EMG1: variants seen among roughly 807,000 people sequenced by gnomAD.
EMG1 encodes EMG1 N1-specific pseudouridine methyltransferase, also known as ribosomal RNA small subunit methyltransferase NEP1.
EMG1 carries 24 observed loss-of-function variants against 26.9 expected under a neutral mutation model. That is an observed-to-expected ratio of 0.89 (90% CI 0.65 to 1.26). EMG1 has a LOEUF of 1.26. Ranked by LOEUF, EMG1 falls within the 50% of genes most tolerant of loss-of-function variation. EMG1 has a pLI of 0.00. For synonymous variants in EMG1, 140 were observed against 112.6 expected, an observed-to-expected ratio of 1.24 and a Z score of -1.54; for missense variants, 299 against 307.6, an observed-to-expected ratio of 0.97 and a Z score of 0.21.
chr12:6,975,463 T>C (rs1946383435), intron 5 of EMG1, 85 bp downstream of exon 5: 4 of 1,373,104 alleles, frequency 2.9e-6, no homozygotes, highest in Non-Finnish European at 4.0e-6. Flanking sequence ...TTAACAATGC[T>C]TACAATGAGC....
chr12:6,974,592 G>T lies in EMG1; in HGVS notation c.311G>T (p.Gly104Val), dbSNP rs1256862599. 1 of 1,613,856 alleles carries T rather than the reference G, an allele frequency of 6.2e-7. No individual in the cohort carries two copies. Among genetic ancestry groups the T allele is most frequent in the Non-Finnish European group, 8.5e-7 (1 of 1,179,900 alleles). ...ATGGATAGTCCCCTGAACCGAGCTGGCTTGCTACAGGTTTATATCCATACA... is the reference window on the plus strand; with the variant it reads ...ATGGATAGTCCCCTGAACCGAGCTGTCTTGCTACAGGTTTATATCCATACA... ...MLMDSPLNRA[G>V]LLQVYIHTQK... The change falls in exon 3 of 6, where the codon GGC (glycine) becomes GTC (valine). Residue 104 changes from glycine to valine, a missense_variant. Gly to Val is a moderately radical substitution (Grantham distance 109, BLOSUM62 -3). Transcript: ENST00000599672.
At chr12:6,986,685 A>T (rs1946529125) in intron 6 of EMG1, among the ~76,000 whole-genome samples, 1 of 148,096 alleles carries the variant, frequency 6.8e-6, no homozygotes, top group Admixed American at 6.8e-5. Context: ...CAGGAGGCTG[A>T]GGCAGGGGAA....
In EMG1 at chr12:6,978,063, G is replaced by C. The variant is rs1322719482; in HGVS notation, c.*2254G>C. 8.9e-6 allele frequency: 5 copies of C among 559,084 alleles called. No individual in the cohort carries two copies. Among genetic ancestry groups the C allele is most frequent in the South Asian group, 8.9e-5 (4 of 45,000 alleles). The allele number at this position is 559,084 out of a possible 1,614,324, so 34.6% of individuals were successfully genotyped here. Reference sequence around the variant, plus strand: ...GTGGTGGGGACAAACAAGTAAAGCTGTTGATAAACAGGGCAGTGGAGGACA... The same window carrying C: ...GTGGTGGGGACAAACAAGTAAAGCTCTTGATAAACAGGGCAGTGGAGGACA... On this transcript the variant is annotated 3_prime_UTR_variant, in exon 6 of 6. Transcript: ENST00000599672.
Position 6,978,584 on chromosome 12 carries a change from T to C in EMG1, c.*2775T>C. On this transcript the variant is annotated 3_prime_UTR_variant, in exon 6 of 6. Coordinates refer to ENST00000599672, the MANE Select transcript of EMG1 (RefSeq NM_006331.8). ...CATGGCTTGTCTAAATAGGACCTTG[T>C]TTCAACTTTTCTACTTACTGTGACC... The C allele has an allele frequency of 6.2e-7, 1 of 1,614,002 alleles. No individual in the cohort carries two copies. Among genetic ancestry groups the C allele is most frequent in the Admixed American group, 1.7e-5 (1 of 60,002 alleles).
intron 2 of EMG1, 51 bp downstream of exon 2, chr12:6,974,491 T>G: frequency 6.2e-7 from 1 of 1,607,412 alleles, no homozygotes; most frequent in Non-Finnish European, 8.5e-7. Context: ...TATGGAAGGG[T>G]TGGCAGCTGA....
At position 6,975,153 on chromosome 12, in the gene EMG1, G is replaced by C. The variant is rs782080669; in HGVS notation, c.471+5G>C. On this transcript the variant is annotated splice_donor_5th_base_variant and intron_variant, in intron 4 of 5. Transcript: ENST00000599672. Reference sequence around the variant, plus strand: ...GGCCCCCAGAAGCTTTTGAAGGTGAGGTATTGAAACCTGTTAGTTGAAGGC... The same window carrying C: ...GGCCCCCAGAAGCTTTTGAAGGTGACGTATTGAAACCTGTTAGTTGAAGGC... 3.7e-6 allele frequency: 6 copies of C among 1,613,908 alleles called. No individual in the cohort carries two copies. The highest frequency in any genetic ancestry group is 4.2e-6 in the Non-Finnish European group (5 of 1,179,902).
downstream of EMG1, among the ~76,000 whole-genome samples, chr12:6,983,883 G>C (rs1324451286): frequency 6.6e-6 from 1 of 152,168 alleles, no homozygotes; most frequent in African/African-American, 2.4e-5. Context: ...TGGCTCCCAT[G>C]TATAATCCCA....
At chr12:6,988,227 C>G (rs1946547641) in exon 8 of EMG1, 1 of 160,808 alleles carries the variant, frequency 6.2e-6, no homozygotes, top group Admixed American at 6.4e-5. Context: ...TGCACACTAG[C>G]AAACACATGA....
At chr12:6,989,953 A>G (rs1946571902), downstream of EMG1, among the ~76,000 whole-genome samples, 1 of 151,844 alleles carries the variant, frequency 6.6e-6, no homozygotes, top group Non-Finnish European at 1.5e-5. Flanking sequence ...CGGGAGAATC[A>G]CTGGAACCCA....
Position 6,978,678 on chromosome 12 carries a change from G to C in EMG1, c.*2869G>C. The C allele has an allele frequency of 6.2e-7, 1 of 1,614,196 alleles. No individual in the cohort carries two copies. Among genetic ancestry groups the C allele is most frequent in the East Asian group, 2.2e-5 (1 of 44,884 alleles). Reference sequence around the variant, plus strand: ...TCAGCATGTACATGCAGCGGAACCAGAAGGGGTGGTTCTTGAGGGAAGAAA... The same window carrying C: ...TCAGCATGTACATGCAGCGGAACCACAAGGGGTGGTTCTTGAGGGAAGAAA... On this transcript the variant is annotated 3_prime_UTR_variant, in exon 6 of 6. Transcript: ENST00000599672.
At chr12:6,981,869 G>C (rs782036822), downstream of EMG1, 1 of 1,613,460 alleles carries the variant, frequency 6.2e-7, no homozygotes, top group East Asian at 2.2e-5. Context: ...CGTAGTTGCC[G>C]GTGGCAGTGT....
chr12:6,981,068 T>C (rs1555153996), downstream of EMG1: 3 of 1,613,220 alleles, frequency 1.9e-6, no homozygotes, highest in African/African-American at 2.7e-5. Flanking sequence ...TAGTGATTCA[T>C]TGAGAACTGG....
downstream of EMG1, chr12:6,980,777 C>T (rs1946462489): frequency 2.7e-6 from 1 of 374,856 alleles, no homozygotes; most frequent in Non-Finnish European, 4.7e-6. Flanking sequence ...AATCCTGTGG[C>T]ATAAATGTGG....
intron 1 of EMG1, among the ~76,000 whole-genome samples, chr12:6,971,434 C>T (rs1027747509): frequency 4.0e-5 from 6 of 151,832 alleles, no homozygotes; most frequent in East Asian, 1.9e-4. Flanking sequence ...CCACCACGCC[C>T]GGCTAATTTT....
chr12:6,992,385 T>C (rs187017601), downstream of EMG1, among the ~76,000 whole-genome samples: 167 of 152,156 alleles, frequency 1.1e-3, no homozygotes, highest in Middle Eastern at 3.4e-3. Context: ...AAACTGGCTC[T>C]GTTTTGATTG....
At chr12:6,983,437 TTAAAA>T, downstream of EMG1, 1 of 1,598,294 alleles carries the variant, frequency 6.3e-7, no homozygotes. Flanking sequence ...CTCACCAAAG[TTAAAA>T]TAAGCAATTG....
chr12:6,981,729 G>A (rs1408102757), downstream of EMG1: 77 of 1,365,862 alleles, frequency 5.6e-5, no homozygotes, highest in African/African-American at 7.3e-4. Flanking sequence ...GGCGGGGGGC[G>A]GAGGGGGGGT....
At chr12:6,980,817 GA>G (rs1482446983), downstream of EMG1, 2 of 466,216 alleles carry the variant, frequency 4.3e-6, no homozygotes, top group Non-Finnish European at 7.5e-6. Context: ...TGTTAGAATG[GA>G]TAACTGGAAG....
Position 6,978,590 on chromosome 12 carries a change from C to G in EMG1, c.*2781C>G, listed in dbSNP as rs782205863. The G allele has an allele frequency of 1.2e-6, 2 of 1,614,032 alleles. No individual in the cohort carries two copies. Among genetic ancestry groups the G allele is most frequent in the Admixed American group, 1.7e-5 (1 of 59,994 alleles). ...TTGTCTAAATAGGACCTTGTTTCAACTTTTCTACTTACTGTGACCAGCCAA... is the reference window on the plus strand; with the variant it reads ...TTGTCTAAATAGGACCTTGTTTCAAGTTTTCTACTTACTGTGACCAGCCAA... On this transcript the variant is annotated 3_prime_UTR_variant, in exon 6 of 6. Coordinates refer to ENST00000599672, the MANE Select transcript of EMG1 (RefSeq NM_006331.8).
Sources: allele counts gnomAD v4.1 joint callset (sites outside exome capture counted in the v4.1 genomes callset), GRCh38; gene constraint gnomAD v4.1.1; transcripts MANE v1.5; gene names NCBI Gene and HGNC (gene_info 2026-07-23, HGNC 2026-07-21).